NECTIN3: variants seen among roughly 807,000 people sequenced by gnomAD.
NECTIN3 encodes nectin-3.
In NECTIN3, 8 loss-of-function variants were observed where a neutral mutation model predicts 49.4. The observed-to-expected ratio is 0.16, with a 90% confidence interval of 0.10 to 0.29. The LOEUF (loss-of-function observed/expected upper bound fraction) is 0.29. Ranked by LOEUF, NECTIN3 falls within the 10% of genes least tolerant of loss-of-function variation. The probability of loss-of-function intolerance (pLI) is 1.00; values close to 1 mark genes in which losing one functional copy is unlikely to be tolerated. For synonymous variants in NECTIN3, 277 were observed against 241.1 expected, an observed-to-expected ratio of 1.15 and a Z score of -1.38; for missense variants, 581 against 654.6, an observed-to-expected ratio of 0.89 and a Z score of 1.23.
At chr3:111,144,344 T>G (rs529968124) in intron 5 of NECTIN3, among the ~76,000 whole-genome samples, 1 of 152,124 alleles carries the variant, frequency 6.6e-6, no homozygotes, top group South Asian at 2.1e-4. Flanking sequence ...GTGCATGAAT[T>G]AAGGGAAATT....
At chr3:111,176,178 A>G (rs2035525268) in intron 7 of NECTIN3, among the ~76,000 whole-genome samples, 3 of 152,208 alleles carry the variant, frequency 2.0e-5, no homozygotes, top group Non-Finnish European at 2.9e-5. Flanking sequence ...TTCTTGCCTC[A>G]TGGAGTAGCA....
intron 7 of NECTIN3, among the ~76,000 whole-genome samples, chr3:111,155,672 G>A (rs1043033102): frequency 6.6e-6 from 1 of 152,138 alleles, no homozygotes; most frequent in African/African-American, 2.4e-5. Flanking sequence ...TGGCCATTTA[G>A]TGTTGATTTT....
chr3:111,072,502 G>T (rs2030851040), intron 1 of NECTIN3: 1 of 1,535,732 alleles, frequency 6.5e-7, no homozygotes, highest in Admixed American at 2.0e-5. Flanking sequence ...TCATTCTCTG[G>T]GAACCCTCGT....
chr3:111,135,991 A>G lies in NECTIN3; in HGVS notation c.*1776A>G. ...TAATATGGTTAATCACTTATATACAAATATTACAACTTTTTAGTGCAAGTT... is the reference window on the plus strand; with the variant it reads ...TAATATGGTTAATCACTTATATACAGATATTACAACTTTTTAGTGCAAGTT... On this transcript the variant is annotated 3_prime_UTR_variant, in exon 6 of 6. Transcript: ENST00000485303. The G allele has an allele frequency of 1.0e-6, 1 of 957,566 alleles. No individual in the cohort carries two copies. Among genetic ancestry groups the G allele is most frequent in the Admixed American group, 6.2e-5 (1 of 16,138 alleles). The allele number at this position is 957,566 out of a possible 1,614,324, so 59.3% of individuals were successfully genotyped here.
At chr3:111,128,341 T>C (rs1040500885) in intron 5 of NECTIN3, among the ~76,000 whole-genome samples, 3 of 151,246 alleles carry the variant, frequency 2.0e-5, no homozygotes, top group African/African-American at 7.3e-5. Context: ...AAAAAAAAAT[T>C]AAAAAATAAA....
Position 111,088,835 on chromosome 3 carries a change from G to T in NECTIN3, c.160+16658G>T, listed in dbSNP as rs557497566. On this transcript the variant is annotated intron_variant, in intron 1 of 5. Transcript: ENST00000485303. ...ACCTTTTGGTGTCAAGGCTGTGCTG[G>T]ACTCATTAAAAACTTGGGAAGTGTT... Among the ~76,000 whole-genome samples, 43 of 152,192 alleles carry T rather than the reference G, an allele frequency of 2.8e-4. No homozygotes were observed. In the South Asian group the frequency reaches 8.7e-3, roughly 31 times the overall value.
At chr3:111,187,579 A>G (rs1286600747), upstream of NECTIN3, among the ~76,000 whole-genome samples, 1 of 152,330 alleles carries the variant, frequency 6.6e-6, no homozygotes, top group African/African-American at 2.4e-5. Context: ...AAATGAATAA[A>G]TGAACTAATA....
chr3:111,166,373 G>T (rs780951507), intron 7 of NECTIN3, among the ~76,000 whole-genome samples: 5 of 152,092 alleles, frequency 3.3e-5, no homozygotes, highest in Non-Finnish European at 7.3e-5. Flanking sequence ...CTCCTTTTCT[G>T]ATCCCTGTCC....
chr3:111,089,469 T>C (rs1235816766), intron 1 of NECTIN3, among the ~76,000 whole-genome samples: 2 of 147,812 alleles, frequency 1.4e-5, no homozygotes, highest in Non-Finnish European at 3.0e-5. Flanking sequence ...ATATATGTAA[T>C]TTTTTTTCCT....
At chr3:111,117,357 GTCAATATAATAGTT>G (rs1382230034) in intron 2 of NECTIN3, among the ~76,000 whole-genome samples, 1 of 151,990 alleles carries the variant, frequency 6.6e-6, no homozygotes, top group Non-Finnish European at 1.5e-5. Flanking sequence ...GATCTCCAAA[GTCAATATAATAGTT>G]TCACATTGAG....
chr3:111,094,294 A>T (rs1389269081), intron 1 of NECTIN3, among the ~76,000 whole-genome samples: 2 of 152,174 alleles, frequency 1.3e-5, no homozygotes, highest in African/African-American at 4.8e-5. Flanking sequence ...TTTCACCCAT[A>T]GGCATAGTTT....
downstream of NECTIN3, among the ~76,000 whole-genome samples, chr3:111,140,156 T>C (rs1056736291): frequency 3.9e-5 from 6 of 151,922 alleles, no homozygotes; most frequent in Non-Finnish European, 4.4e-5. Flanking sequence ...GTAGATTGTT[T>C]GGATGTTAAC....
chr3:111,176,852 T>G (rs1431118271), intron 7 of NECTIN3, among the ~76,000 whole-genome samples: 1 of 152,110 alleles, frequency 6.6e-6, no homozygotes, highest in African/African-American at 2.4e-5. Flanking sequence ...ACACCCTCAG[T>G]AGGAAAAATA....
intron 7 of NECTIN3, among the ~76,000 whole-genome samples, chr3:111,173,151 A>G (rs897603339): frequency 6.6e-6 from 1 of 152,150 alleles, no homozygotes; most frequent in Non-Finnish European, 1.5e-5. Flanking sequence ...CTCCTATTCC[A>G]AGATCATGTC....
chr3:111,120,646 T>C (rs1406971275), intron 3 of NECTIN3, among the ~76,000 whole-genome samples: 2 of 152,140 alleles, frequency 1.3e-5, no homozygotes, highest in Non-Finnish European at 2.9e-5. Flanking sequence ...AGTAGGACAG[T>C]CTTCCCTGGC....
chr3:111,126,108 A>G, intron 4 of NECTIN3, 76 bp from the exon 5 acceptor site: 1 of 1,029,202 alleles, frequency 9.7e-7, no homozygotes. Context: ...CAAACATATA[A>G]TGCCTCATTT....
chr3:111,097,298 AC>A (rs1362798799), intron 1 of NECTIN3, among the ~76,000 whole-genome samples: 1 of 151,976 alleles, frequency 6.6e-6, no homozygotes, highest in Non-Finnish European at 1.5e-5. Context: ...CAATACCTGT[AC>A]CCCCATTGTA....
At chr3:111,146,695 A>G (rs2107509352) in intron 6 of NECTIN3, among the ~76,000 whole-genome samples, 1 of 152,254 alleles carries the variant, frequency 6.6e-6, no homozygotes, top group South Asian at 2.1e-4. Flanking sequence ...TTGATTTTCT[A>G]AGCACAAGTA....
chr3:111,160,221 T>A (rs1317128932), intron 7 of NECTIN3, among the ~76,000 whole-genome samples: 1 of 152,230 alleles, frequency 6.6e-6, no homozygotes, highest in East Asian at 1.9e-4. Flanking sequence ...TGCATGTACG[T>A]ATATATATTT....
Sources: allele counts gnomAD v4.1 joint callset (sites outside exome capture counted in the v4.1 genomes callset), GRCh38; gene constraint gnomAD v4.1.1; transcripts MANE v1.5; gene names NCBI Gene and HGNC (gene_info 2026-07-23, HGNC 2026-07-21).